Variants in NR5A2 observed in about 807,000 individuals in gnomAD.
The protein encoded by NR5A2 is nuclear receptor subfamily 5 group A member 2.
In NR5A2, 26 loss-of-function variants were observed where a neutral mutation model predicts 62.7. The observed-to-expected ratio is 0.41, with a 90% CI of 0.30 to 0.58. NR5A2 has a LOEUF of 0.58. Ranked by LOEUF, NR5A2 falls within the 20% of genes least tolerant of loss-of-function variation. NR5A2 has a pLI of 0.22. For synonymous variants in NR5A2, 246 were observed against 241.7 expected, an observed-to-expected ratio of 1.02 and a Z score of -0.16; for missense variants, 541 against 669.1, an observed-to-expected ratio of 0.81 and a Z score of 2.11.
chr1:200,072,090 C>G (rs974260413), intron 5 of NR5A2, among the ~76,000 whole-genome samples: 1 of 151,926 alleles, frequency 6.6e-6, no homozygotes, highest in African/African-American at 2.4e-5. Flanking sequence ...AGAGGTAGGG[C>G]CTAACTCATT....
At chr1:200,030,922 G>A (rs1251476923) in intron 1 of NR5A2, among the ~76,000 whole-genome samples, 3 of 152,290 alleles carry the variant, frequency 2.0e-5, no homozygotes, top group East Asian at 3.9e-4. Context: ...TTATTTCAGT[G>A]ATAACCTCCA....
At chr1:200,028,165 G>T (rs1036148959) in intron 1 of NR5A2, among the ~76,000 whole-genome samples, 1 of 151,816 alleles carries the variant, frequency 6.6e-6, no homozygotes, top group Non-Finnish European at 1.5e-5. Context: ...ACCCTAATCA[G>T]CCAGAAAATA....
chr1:200,164,572 G>A (rs898700269), intron 7 of NR5A2, among the ~76,000 whole-genome samples: 42 of 141,472 alleles, frequency 3.0e-4, no homozygotes, highest in African/African-American at 1.1e-3. Flanking sequence ...TTTTGAGACA[G>A]AGTCTTGCTC....
chr1:200,101,766 C>T (rs186596081), intron 5 of NR5A2, among the ~76,000 whole-genome samples: 36 of 152,188 alleles, frequency 2.4e-4, no homozygotes, highest in Non-Finnish European at 4.9e-4. Context: ...TGACAAAATT[C>T]CTGAGTCCCC....
In NR5A2 at chr1:200,102,364, C is replaced by T. The variant is rs148840015; in HGVS notation, c.1111-8838C>T. On this transcript the variant is annotated intron_variant, in intron 5 of 7. Coordinates refer to ENST00000367362, the MANE Select transcript of NR5A2 (RefSeq NM_205860.3). ...CTAGGTTACAGAGTGGTTTCTTTAG[C>T]GGTTCCTGAAGTCTAGGCCTCTGAC... Among the ~76,000 whole-genome samples, 402 of 152,280 alleles carry T rather than the reference C, an allele frequency of 2.6e-3. 1 individual carries two copies. The highest frequency in any genetic ancestry group is 9.0e-3 in the African/African-American group (375 of 41,556).
chr1:200,169,462 G>C (rs1442327288), intron 7 of NR5A2, among the ~76,000 whole-genome samples: 2 of 152,146 alleles, frequency 1.3e-5, no homozygotes, highest in Non-Finnish European at 2.9e-5. Context: ...CACCATTATG[G>C]CAGCTACCAG....
At chr1:200,144,210 CTG>C (rs1431368413) in intron 7 of NR5A2, among the ~76,000 whole-genome samples, 1 of 94,362 alleles carries the variant, frequency 1.1e-5, no homozygotes, top group Non-Finnish European at 2.3e-5. Flanking sequence ...CATCCCAGCA[CTG>C]TTTCTCTCTC....
chr1:200,075,564 G>A (rs749958820), intron 5 of NR5A2, among the ~76,000 whole-genome samples: 2 of 152,222 alleles, frequency 1.3e-5, no homozygotes, highest in Non-Finnish European at 2.9e-5. Context: ...ACACAGAGAA[G>A]AGGTGTAAAA....
intron 7 of NR5A2, among the ~76,000 whole-genome samples, chr1:200,140,352 C>G (rs1392636333): frequency 1.3e-5 from 2 of 152,206 alleles, no homozygotes; most frequent in Admixed American, 1.3e-4. Flanking sequence ...GCTGGGATCA[C>G]AGGCGAGCAC....
Position 200,111,269 on chromosome 1 carries a change from G to T in NR5A2, c.1178G>T (p.Arg393Leu). The change falls in exon 6 of 8, where the codon CGA becomes CTA. Residue 393 changes from arginine to leucine, a missense_variant. By Grantham distance (102) the Arg-to-Leu change is moderately radical. This residue lies in a region of NR5A2 where 379 missense variants were observed against 442.0 expected (regional missense o/e 0.86). Transcript: ENST00000367362. ...CTCTTAATCCTCGACCACATTTACC[G>T]ACAAGTGGTACATGGAAAGGAAGGA... Reference protein sequence around the residue: ...SELLILDHIYRQVVHGKEGSI... With the variant: ...SELLILDHIYLQVVHGKEGSI... 6.2e-7 allele frequency: 1 copy of T among 1,610,798 alleles called. No homozygotes were observed. Among genetic ancestry groups the T allele is most frequent in the South Asian group, 1.1e-5 (1 of 90,968 alleles).
At chr1:200,075,338 T>A (rs1028913042) in intron 5 of NR5A2, among the ~76,000 whole-genome samples, 1 of 152,204 alleles carries the variant, frequency 6.6e-6, no homozygotes, top group African/African-American at 2.4e-5. Context: ...GCTTCAGCAA[T>A]ATGCAAATTA....
Position 200,147,573 on chromosome 1 carries a change from C to A in NR5A2, c.1379-26390C>A. The stretch of plus-strand genomic sequence containing the variant: ...TCTCCATTGGTGTGCTTAAAGCGAT[C>A]TCCTCTACACGAACGCTAGGGCAGA... On this transcript the variant is annotated intron_variant, in intron 7 of 7. Coordinates refer to ENST00000367362, the MANE Select transcript of NR5A2 (RefSeq NM_205860.3). This position sits in a 1 kb window ranked among gnomAD's most constrained non-coding sequence, Gnocchi z 4.9. The A allele has an allele frequency of 4.2e-6, 3 of 706,080 alleles. No homozygotes were observed. Among genetic ancestry groups the A allele is most frequent in the South Asian group, 4.0e-5 (3 of 74,278 alleles). 43.7% of individuals were successfully genotyped at this position (706,080 alleles called of 1,614,324 possible). A position where few individuals can be genotyped will look rare whatever the true frequency, so the allele number is the denominator to read the frequency against.
chr1:200,128,269 G>A (rs566867319), intron 7 of NR5A2, among the ~76,000 whole-genome samples: 3 of 152,300 alleles, frequency 2.0e-5, no homozygotes, highest in Admixed American at 6.5e-5. Context: ...AGAAAAGTCT[G>A]CATAAGATGT....
At chr1:200,101,510 T>A (rs539124507) in intron 5 of NR5A2, among the ~76,000 whole-genome samples, 1 of 152,340 alleles carries the variant, frequency 6.6e-6, no homozygotes, top group South Asian at 2.1e-4. Flanking sequence ...TGAATCATCA[T>A]GTTGAGCACA....
chr1:200,044,091 T>C (rs1662249204), intron 3 of NR5A2, 199 bp downstream of exon 3: 1 of 436,576 alleles, frequency 2.3e-6, no homozygotes, highest in African/African-American at 2.0e-5. Context: ...TTATGCTGTT[T>C]AGAAAACTTT....
chr1:200,114,926 C>T (rs566091218), intron 6 of NR5A2, among the ~76,000 whole-genome samples: 3 of 152,322 alleles, frequency 2.0e-5, no homozygotes, highest in Non-Finnish European at 2.9e-5. Context: ...CTTGCCTTCA[C>T]GCCGGCATTT....
intron 5 of NR5A2, among the ~76,000 whole-genome samples, chr1:200,103,120 C>CTAT (rs1491019934): frequency 9.9e-6 from 1 of 100,934 alleles, no homozygotes; most frequent in African/African-American, 3.7e-5. Context: ...GCATGTAAAA[C>CTAT]TCTTTTTTTT....
At chr1:200,161,329 G>A (rs1295710670) in intron 7 of NR5A2, among the ~76,000 whole-genome samples, 2 of 152,012 alleles carry the variant, frequency 1.3e-5, no homozygotes, top group Non-Finnish European at 2.9e-5. Context: ...ATTTTTCTTT[G>A]ATTTTCCGTA....
At chr1:200,151,730 C>T (rs955739797) in intron 7 of NR5A2, among the ~76,000 whole-genome samples, 13 of 152,222 alleles carry the variant, frequency 8.5e-5, no homozygotes, top group Non-Finnish European at 1.3e-4. Flanking sequence ...GCGATTCCTA[C>T]GTGGTTTTTG....
Sources: gnomAD v4.1 joint callset for allele counts (sites outside exome capture counted in the v4.1 genomes callset) on GRCh38, gnomAD v4.1.1 for gene constraint, gnomAD v4.1.1 regional missense constraint, Gnocchi (gnomAD v3.1) non-coding constraint, MANE v1.5 for transcripts, NCBI Gene and HGNC (gene_info 2026-07-23, HGNC 2026-07-21) for gene names.